Variants in SRSF10 observed in about 807,000 individuals in gnomAD.
SRSF10 encodes serine/arginine-rich splicing factor 10.
In SRSF10, 9 loss-of-function variants were observed where a neutral mutation model predicts 32.6. The ratio of observed to expected loss-of-function variants is 0.28; its 90% CI spans 0.17 to 0.48. The LOEUF is 0.48. Among genes scored for constraint, SRSF10 ranks in the 20% least tolerant of loss-of-function variants. The pLI, the probability that SRSF10 is intolerant of heterozygous loss-of-function variation, is 0.99. For missense variants in SRSF10, 201 were observed against 331.8 expected (o/e 0.61, Z 3.06); for synonymous variants, 105 against 112.4 (o/e 0.93, Z 0.42).
At position 23,978,541 on chromosome 1, in the gene SRSF10, G is replaced by A. The variant is rs1417497042; in HGVS notation, c.170+172C>T. On this transcript the variant is annotated intron_variant, in intron 2 of 5. Coordinates refer to ENST00000492112, the MANE Select transcript of SRSF10 (RefSeq NM_054016.4). ...GAATTTATATATTTTACCATTTTTG[G>A]ATTAACTTTAATAACGAGAGCAATG... The A allele has an allele frequency of 1.3e-5, 11 of 859,042 alleles. No homozygotes were observed. The African/African-American group carries it at 1.7e-4, about 13-fold the overall frequency. The allele number at this position is 859,042 out of a possible 1,614,324, so 53.2% of individuals were successfully genotyped here. A position where few individuals can be genotyped will look rare whatever the true frequency, so the allele number is the denominator to read the frequency against.
rs1333796609 is a variant in SRSF10, at chr1:23,965,641, T to G, written c.*5501A>C. On this transcript the variant is annotated 3_prime_UTR_variant, in exon 6 of 6. Coordinates refer to ENST00000492112, the MANE Select transcript of SRSF10 (RefSeq NM_054016.4). ...TAAGTGCTCAATAATATTGACAGCA[T>G]TCAGTATAGAGAGAAACAACCACAG... 1 of 151,880 alleles carries G rather than the reference T, an allele frequency of 6.6e-6. No homozygotes were observed. The highest frequency in any genetic ancestry group is 1.5e-5 in the Non-Finnish European group (1 of 67,828). The allele number at this position is 151,880 out of a possible 1,614,324, so 9.4% of individuals were successfully genotyped here.
chr1:23,979,797 T>C lies in SRSF10; in HGVS notation c.65+394A>G, dbSNP rs1642337069. Among the ~76,000 whole-genome samples the C allele has an allele frequency of 3.9e-4, 6 of 15,568 alleles. No individual in the cohort carries two copies. The South Asian group carries it at 0.02, about 52-fold the overall frequency. The allele number at this position is 15,568 out of a possible 152,430, so 10.2% of individuals were successfully genotyped here. A position where few individuals can be genotyped will look rare whatever the true frequency, so the allele number is the denominator to read the frequency against. On this transcript the variant is annotated intron_variant, in intron 1 of 5. Coordinates refer to ENST00000492112, the MANE Select transcript of SRSF10 (RefSeq NM_054016.4). ...CCCGTTATTTCATCTCACTATTTTT[T>C]GGCTGGGGAAAAAAAAAAATCTCTG...
intron 1 of SRSF10, among the ~76,000 whole-genome samples, 181 bp downstream of exon 1, chr1:23,980,010 C>A (rs1240957483): frequency 6.6e-6 from 1 of 152,226 alleles, no homozygotes; most frequent in East Asian, 1.9e-4. Context: ...GCAGAGGCGC[C>A]GCCCTCGCTC....
In SRSF10 at chr1:23,971,122, A is replaced by T; in HGVS notation, c.*20T>A. ...AGTAAATGAATGATACATGCCTAAAAATGACCATGGTTTATACTATCAGTG... is the reference window on the plus strand; with the variant it reads ...AGTAAATGAATGATACATGCCTAAATATGACCATGGTTTATACTATCAGTG... On this transcript the variant is annotated 3_prime_UTR_variant, in exon 6 of 6. Transcript: ENST00000492112. 4 of 1,570,526 alleles carry T rather than the reference A, an allele frequency of 2.5e-6. No homozygotes were observed. The highest frequency in any genetic ancestry group is 3.4e-6 in the Non-Finnish European group (4 of 1,162,418).
intron 2 of SRSF10, chr1:23,976,522 G>A (rs1015927687): frequency 2.6e-5 from 4 of 152,182 alleles, no homozygotes; most frequent in African/African-American, 4.8e-5. Flanking sequence ...AAACTAATTA[G>A]AAGGAATACG....
intron 2 of SRSF10, chr1:23,975,745 G>T (rs1642049282): frequency 6.6e-6 from 1 of 152,192 alleles, no homozygotes; most frequent in South Asian, 2.1e-4. Context: ...TTACATCCAT[G>T]CAGACTGTAA....
Position 23,968,988 on chromosome 1 carries a change from A to G in SRSF10, c.*2154T>C. On this transcript the variant is annotated 3_prime_UTR_variant, in exon 6 of 6. Transcript: ENST00000492112. ...AAAGTTAGTTGTGCCTAGTGCAACA[A>G]TGATTTAAAATATTCCTAAATCTAT... is the stretch of plus-strand genomic sequence containing the variant. 2 of 555,352 alleles carry G rather than the reference A, an allele frequency of 3.6e-6. No individual in the cohort carries two copies. Among genetic ancestry groups the G allele is most frequent in the Non-Finnish European group, 4.6e-6 (2 of 437,422 alleles). The allele number at this position is 555,352 out of a possible 1,614,324, so 34.4% of individuals were successfully genotyped here.
chr1:23,968,086 T>TCA lies in SRSF10; in HGVS notation c.*3054_*3055dup. ...GCCCAGTCATACACAGTAGGTAAAC[T>TCA]CAGTAAGTGGGGGACTCAACTACAT... On this transcript the variant is annotated 3_prime_UTR_variant, in exon 6 of 6. Coordinates refer to ENST00000492112, the MANE Select transcript of SRSF10 (RefSeq NM_054016.4). The TCA allele has an allele frequency of 6.8e-7, 1 of 1,461,146 alleles. No homozygotes were observed. Among genetic ancestry groups the TCA allele is most frequent in the East Asian group, 2.5e-5 (1 of 40,520 alleles). 90.5% of individuals were successfully genotyped at this position (1,461,146 alleles called of 1,614,324 possible). A position where few individuals can be genotyped will look rare whatever the true frequency, so the allele number is the denominator to read the frequency against.
At position 23,971,454 on chromosome 1, in the gene SRSF10, G is replaced by A. The variant is rs1347488514; in HGVS notation, c.492-15C>T. Reference sequence around the variant, plus strand: ...GGTGTTTGAATCTTTCAAAACAGAGGAGAGATATAATTAGAGTAAAAATTA... The same window carrying A: ...GGTGTTTGAATCTTTCAAAACAGAGAAGAGATATAATTAGAGTAAAAATTA... On this transcript the variant is annotated splice_polypyrimidine_tract_variant and intron_variant, in intron 5 of 5. Transcript: ENST00000492112. 1.9e-6 allele frequency: 3 copies of A among 1,601,752 alleles called. No individual in the cohort carries two copies. Among genetic ancestry groups the A allele is most frequent in the East Asian group, 2.2e-5 (1 of 44,810 alleles).
intron 3 of SRSF10, among the ~76,000 whole-genome samples, chr1:23,973,602 T>G (rs1275644501): frequency 1.3e-5 from 2 of 152,158 alleles, no homozygotes; most frequent in African/African-American, 4.8e-5. Context: ...ATTACAGGCG[T>G]GAGCTACCAC....
At chr1:23,974,497 T>A (rs1433028335) in intron 3 of SRSF10, among the ~76,000 whole-genome samples, 2 of 152,196 alleles carry the variant, frequency 1.3e-5, no homozygotes, top group African/African-American at 4.8e-5. Context: ...GAACACATGA[T>A]GAAATATTCA....
At chr1:23,979,472 CT>C (rs1642315795) in intron 1 of SRSF10, among the ~76,000 whole-genome samples, 1 of 152,174 alleles carries the variant, frequency 6.6e-6, no homozygotes, top group Non-Finnish European at 1.5e-5. Context: ...CCAAAATAAT[CT>C]GAAGGCAACT....
At chr1:23,978,943 A>T in intron 1 of SRSF10, 126 bp from the exon 2 acceptor site, 1 of 672,912 alleles carries the variant, frequency 1.5e-6, no homozygotes. Context: ...AGTTTACATT[A>T]ACAGGACAAC....
At position 23,971,984 on chromosome 1, in the gene SRSF10, C is replaced by A; in HGVS notation, c.303G>T (p.Gly101=). The change falls in exon 4 of 6, where the codon GGG becomes GGT. Residue 101 remains glycine, a synonymous_variant. Transcript: ENST00000492112. ...AGCGTGAAGAACTGTACACATTCCTCCCTTCCTTGGCTTTCATCTGATTTG... is the reference window on the plus strand; with the variant it reads ...AGCGTGAAGAACTGTACACATTCCTACCTTCCTTGGCTTTCATCTGATTTG... ...KTPNQMKAKE[G]RNVYSSSRYD... 1 of 1,527,994 alleles carries A rather than the reference C, an allele frequency of 6.5e-7. No individual in the cohort carries two copies. The highest frequency in any genetic ancestry group is 2.3e-5 in the Admixed American group (1 of 42,706). The allele number at this position is 1,527,994 out of a possible 1,614,324, so 94.7% of individuals were successfully genotyped here.
chr1:23,977,961 TTTAACTC>T, intron 2 of SRSF10: 1 of 985,390 alleles, frequency 1.0e-6, no homozygotes, highest in Non-Finnish European at 1.2e-6. Context: ...CATCTTGACC[TTTAACTC>T]TTTAAGTGCT....
rs1642376661 is a variant in SRSF10 at position 23,980,167 on chromosome 1, C to T, written c.65+24G>A. ...GCGCCTGCGGCCTCCCCGCCTAGGC[C>T]CGGAGTACCTGCCTTGTACCTACCT... On this transcript the variant is annotated intron_variant, in intron 1 of 5. Coordinates refer to ENST00000492112, the MANE Select transcript of SRSF10 (RefSeq NM_054016.4). 4 of 1,532,828 alleles carry T rather than the reference C, an allele frequency of 2.6e-6. No homozygotes were observed. The Admixed American group carries it at 6.0e-5, about 23-fold the overall frequency. 95.0% of individuals were successfully genotyped at this position (1,532,828 alleles called of 1,614,324 possible). A position where few individuals can be genotyped will look rare whatever the true frequency, so the allele number is the denominator to read the frequency against.
intron 1 of SRSF10, 36 bp from the exon 2 acceptor site, chr1:23,978,853 C>A: frequency 6.4e-7 from 1 of 1,573,190 alleles, no homozygotes; most frequent in South Asian, 1.2e-5. Context: ...ATTTTTATGT[C>A]CAAGTCCTTA....
Position 23,966,562 on chromosome 1 carries a change from A to G in SRSF10, c.*4580T>C, listed in dbSNP as rs112177982. On this transcript the variant is annotated 3_prime_UTR_variant, in exon 6 of 6. Coordinates refer to ENST00000492112, the MANE Select transcript of SRSF10 (RefSeq NM_054016.4). ...GAACATTTTCTCAATTACAGAACAT[A>G]CTAAATCAGTTAGGATAACAGCTCT... 1.1e-4 allele frequency: 17 copies of G among 152,054 alleles called. No individual in the cohort carries two copies. Among genetic ancestry groups the G allele is most frequent in the African/African-American group, 3.9e-4 (16 of 41,452 alleles). 9.4% of individuals were successfully genotyped at this position (152,054 alleles called of 1,614,324 possible).
Position 23,965,545 on chromosome 1 carries a change from A to G in SRSF10, c.*5597T>C, listed in dbSNP as rs1342182918. ...CAATTTTCTCATCTGTAAAATGGGA[A>G]TAATACCCATTTCCCAGGAGTGTTT... On this transcript the variant is annotated 3_prime_UTR_variant, in exon 6 of 6. Transcript: ENST00000492112. 9.2e-5 allele frequency: 14 copies of G among 152,162 alleles called. No homozygotes were observed. Among genetic ancestry groups the G allele is most frequent in the Admixed American group, 7.2e-4 (11 of 15,288 alleles). The allele number at this position is 152,162 out of a possible 1,614,324, so 9.4% of individuals were successfully genotyped here.
Sources: gnomAD v4.1 joint callset for allele counts (sites outside exome capture counted in the v4.1 genomes callset) on GRCh38, gnomAD v4.1.1 for gene constraint, MANE v1.5 for transcripts, NCBI Gene and HGNC (gene_info 2026-07-23, HGNC 2026-07-21) for gene names.